SORT1: variants seen among roughly 807,000 people sequenced by gnomAD.
SORT1 encodes sortilin.
A neutral mutation model predicts 101.7 loss-of-function variants in SORT1; 39 were observed. The observed-to-expected ratio is 0.38, with a 90% CI of 0.30 to 0.50. SORT1 has a LOEUF of 0.50. SORT1 is among the 20% of genes least tolerant of loss of function. The probability of loss-of-function intolerance (pLI) is 0.90; values close to 1 mark genes in which losing one functional copy is unlikely to be tolerated. For synonymous variants in SORT1, 396 were observed against 393.7 expected (o/e 1.01, Z -0.07); for missense variants, 878 against 1,040.4 (o/e 0.84, Z 2.15).
intron 1 of SORT1, among the ~76,000 whole-genome samples, chr1:109,378,310 T>C (rs903623352): frequency 3.3e-5 from 5 of 151,446 alleles, no homozygotes; most frequent in African/African-American, 4.9e-5. Context: ...AGAAGGAAAA[T>C]AAAAATAGTG....
intron 17 of SORT1, among the ~76,000 whole-genome samples, chr1:109,316,454 AACTCCTG>A (rs1327126667): frequency 1.3e-5 from 2 of 152,122 alleles, no homozygotes; most frequent in Non-Finnish European, 2.9e-5. Context: ...CCTGGTCTTG[AACTCCTG>A]ACCTCAGTGA....
At chr1:109,350,430 C>A (rs1378706758) in intron 6 of SORT1, among the ~76,000 whole-genome samples, 2 of 152,142 alleles carry the variant, frequency 1.3e-5, no homozygotes, top group African/African-American at 4.8e-5. Context: ...TAAGCAGGCA[C>A]CCGGAGGGGC....
chr1:109,376,138 C>T (rs1048083892), intron 1 of SORT1, among the ~76,000 whole-genome samples: 6 of 151,902 alleles, frequency 3.9e-5, no homozygotes, highest in Non-Finnish European at 7.4e-5. Context: ...GTCAGGAGAT[C>T]GAGACTACGG....
At chr1:109,318,068 C>T (rs1570884390) in intron 15 of SORT1, 99 bp from the exon 16 acceptor site, 1 of 734,724 alleles carries the variant, frequency 1.4e-6, no homozygotes, top group Admixed American at 2.2e-5. Context: ...GGTTAACATT[C>T]CAGTCTTGGG....
At position 109,312,978 on chromosome 1, in the gene SORT1, G is replaced by A. The variant is rs1658809278; in HGVS notation, c.*1065C>T. ...TCTAATTTTTTAAGTCTATAAATCT[G>A]AAAAAATCTCTAGTCCTGGTTCCAT... On this transcript the variant is annotated 3_prime_UTR_variant, in exon 20 of 20. Coordinates refer to ENST00000256637, the MANE Select transcript of SORT1 (RefSeq NM_002959.7). The A allele has an allele frequency of 6.6e-6, 1 of 152,112 alleles. No individual in the cohort carries two copies. The highest frequency in any genetic ancestry group is 6.6e-5 in the Admixed American group (1 of 15,262). 9.4% of individuals were successfully genotyped at this position (152,112 alleles called of 1,614,324 possible).
At chr1:109,387,452 C>T (rs2101655255) in intron 1 of SORT1, among the ~76,000 whole-genome samples, 1 of 152,146 alleles carries the variant, frequency 6.6e-6, no homozygotes, top group South Asian at 2.1e-4. Flanking sequence ...ATGATTACAC[C>T]CCTGCACTCC....
rs759069111 is a variant in SORT1 at position 109,340,777 on chromosome 1, A to T, written c.1211T>A (p.Phe404Tyr). 22 of 1,614,012 alleles carry T rather than the reference A, an allele frequency of 1.4e-5. No homozygotes were observed. The highest frequency in any genetic ancestry group is 1.9e-5 in the Non-Finnish European group (22 of 1,180,028). ...LYTTTGGETDFTNVTSLRGVY... is the reference protein window; with the variant it reads ...LYTTTGGETDYTNVTSLRGVY... ...GCCGCGGAGGGAGGTCACGTTGGTA[A>T]AGTCCGTCTCTCCGCCTGTGGTAGT... The change falls in exon 10 of 20, where the codon TTT (phenylalanine) becomes TAT (tyrosine). Residue 404 changes from phenylalanine to tyrosine, a missense_variant. Phe to Tyr is a conservative substitution (Grantham distance 22). Transcript: ENST00000256637.
At chr1:109,335,602 T>C (rs774146413) in intron 11 of SORT1, among the ~76,000 whole-genome samples, 10 of 118,910 alleles carry the variant, frequency 8.4e-5, no homozygotes, top group Non-Finnish European at 1.8e-4. Flanking sequence ...CTGAAGGAAC[T>C]CCAGCTGTCC....
chr1:109,327,174 C>T lies in SORT1; in HGVS notation c.1475-14G>A. On this transcript the variant is annotated splice_polypyrimidine_tract_variant and intron_variant, in intron 12 of 19. Transcript: ENST00000256637. ...CCCCCACGCTACCTGCAATATAATC[C>T]ACCATCTCATTAGCACAAATAGGCA... 1 of 1,603,298 alleles carries T rather than the reference C, an allele frequency of 6.2e-7. No individual in the cohort carries two copies. Among genetic ancestry groups the T allele is most frequent in the Non-Finnish European group, 8.5e-7 (1 of 1,171,892 alleles).
chr1:109,316,363 G>A (rs1417733919), intron 17 of SORT1, among the ~76,000 whole-genome samples: 4 of 151,988 alleles, frequency 2.6e-5, no homozygotes, highest in Admixed American at 6.6e-5. Flanking sequence ...GACTACAGGC[G>A]TAAACCACCA....
At chr1:109,361,509 C>T (rs1650718342) in intron 3 of SORT1, among the ~76,000 whole-genome samples, 1 of 152,184 alleles carries the variant, frequency 6.6e-6, no homozygotes, top group African/African-American at 2.4e-5. Context: ...CCAGAATCAT[C>T]TTTAAGTTTC....
chr1:109,351,531 T>C (rs1388883081), intron 5 of SORT1, among the ~76,000 whole-genome samples: 1 of 152,182 alleles, frequency 6.6e-6, no homozygotes, highest in Non-Finnish European at 1.5e-5. Context: ...AAGGAGGTCA[T>C]AAACCCTGCA....
At chr1:109,332,172 A>G (rs1020154041) in intron 11 of SORT1, among the ~76,000 whole-genome samples, 1 of 152,130 alleles carries the variant, frequency 6.6e-6, no homozygotes, top group East Asian at 1.9e-4. Flanking sequence ...TTTTACTATT[A>G]TATGGTTATA....
At chr1:109,385,713 A>G (rs1331426268) in intron 1 of SORT1, among the ~76,000 whole-genome samples, 1 of 152,160 alleles carries the variant, frequency 6.6e-6, no homozygotes, top group Non-Finnish European at 1.5e-5. Context: ...CCCAGGCCTT[A>G]TGAACATGTT....
At position 109,311,408 on chromosome 1, in the gene SORT1, G is replaced by C. The variant is rs72647808; in HGVS notation, c.*2635C>G. On this transcript the variant is annotated 3_prime_UTR_variant, in exon 20 of 20. Transcript: ENST00000256637. The stretch of plus-strand genomic sequence containing the variant: ...GACAAATTAGAAATCTATTTTTTTA[G>C]AAGCTGTAACAGATTTGGGCTTTCT... 1 of 152,202 alleles carries C rather than the reference G, an allele frequency of 6.6e-6. No individual in the cohort carries two copies. The highest frequency in any genetic ancestry group is 2.4e-5 in the African/African-American group (1 of 41,450). 9.4% of individuals were successfully genotyped at this position (152,202 alleles called of 1,614,324 possible).
intron 8 of SORT1, among the ~76,000 whole-genome samples, chr1:109,343,844 T>G (rs1180492536): frequency 6.6e-6 from 1 of 152,150 alleles, no homozygotes; most frequent in Non-Finnish European, 1.5e-5. Context: ...AGAGACAGGG[T>G]TTCGCCATGT....
At chr1:109,391,456 T>C (rs1652911490) in intron 1 of SORT1, among the ~76,000 whole-genome samples, 1 of 152,204 alleles carries the variant, frequency 6.6e-6, no homozygotes, top group African/African-American at 2.4e-5. Flanking sequence ...CCAAAACTTC[T>C]TGTGCTGTAG....
At chr1:109,382,210 A>G (rs943988242) in intron 1 of SORT1, among the ~76,000 whole-genome samples, 1 of 152,114 alleles carries the variant, frequency 6.6e-6, no homozygotes, top group Admixed American at 6.6e-5. Context: ...ATCTCAGCTC[A>G]CTGCAACCTC....
Position 109,309,691 on chromosome 1 carries a change from G to A in SORT1, c.*4352C>T, listed in dbSNP as rs1658604608. ...TATTTACACAATGCTAAAGAAATTTGAGTTTTATTTCCATTTTGTGGAATT... is the reference window on the plus strand; with the variant it reads ...TATTTACACAATGCTAAAGAAATTTAAGTTTTATTTCCATTTTGTGGAATT... On this transcript the variant is annotated 3_prime_UTR_variant, in exon 20 of 20. Transcript: ENST00000256637. The A allele has an allele frequency of 6.6e-6, 1 of 152,152 alleles. No homozygotes were observed. The highest frequency in any genetic ancestry group is 2.4e-5 in the African/African-American group (1 of 41,412). The allele number at this position is 152,152 out of a possible 1,614,324, so 9.4% of individuals were successfully genotyped here. A position where few individuals can be genotyped will look rare whatever the true frequency, so the allele number is the denominator to read the frequency against.
Sources: gnomAD v4.1 joint callset for allele counts (sites outside exome capture counted in the v4.1 genomes callset) on GRCh38, gnomAD v4.1.1 for gene constraint, MANE v1.5 for transcripts, NCBI Gene and HGNC (gene_info 2026-07-23, HGNC 2026-07-21) for gene names.